The following FAF1 variants were observed in gnomAD, a reference collection of about 807,000 sequenced individuals.
FAF1 encodes Fas associated factor 1.
In FAF1, 25 loss-of-function variants were observed where a neutral mutation model predicts 92.5. The ratio of observed to expected loss-of-function variants is 0.27; its 90% confidence interval spans 0.20 to 0.38. The LOEUF (loss-of-function observed/expected upper bound fraction) is 0.38, where lower values mean the gene tolerates loss of function less well. Among genes scored for constraint, FAF1 ranks in the 10% least tolerant of loss-of-function variants. The pLI is 1.00. For missense variants in FAF1, 636 were observed against 793.3 expected, an observed-to-expected ratio of 0.80 and a Z score of 2.38; for synonymous variants, 234 against 273.2, an observed-to-expected ratio of 0.86 and a Z score of 1.42.
intron 15 of FAF1, among the ~76,000 whole-genome samples, chr1:50,492,829 C>T (rs1646855026): frequency 6.6e-6 from 1 of 152,150 alleles, no homozygotes; most frequent in Admixed American, 6.5e-5. Context: ...AAGCCTAATA[C>T]ATCTTCTAGT....
At chr1:50,492,892 T>C (rs1240513806) in intron 15 of FAF1, among the ~76,000 whole-genome samples, 6 of 152,186 alleles carry the variant, frequency 3.9e-5, no homozygotes, top group Non-Finnish European at 5.9e-5. Flanking sequence ...GAACATTTCA[T>C]TGCTTCCTAA....
intron 6 of FAF1, among the ~76,000 whole-genome samples, chr1:50,738,472 A>G (rs1033499739): frequency 3.3e-5 from 5 of 151,134 alleles, no homozygotes; most frequent in Non-Finnish European, 7.4e-5. Flanking sequence ...AAATTATATC[A>G]GTGTTTTTCA....
At chr1:50,700,728 A>T (rs897540643) in intron 7 of FAF1, among the ~76,000 whole-genome samples, 7 of 152,134 alleles carry the variant, frequency 4.6e-5, no homozygotes, top group African/African-American at 1.4e-4. Context: ...ATCTTAAGTA[A>T]CAAAAGGCTA....
intron 1 of FAF1, among the ~76,000 whole-genome samples, chr1:50,925,936 A>C (rs1645003054): frequency 6.6e-6 from 1 of 152,240 alleles, no homozygotes; most frequent in African/African-American, 2.4e-5. Flanking sequence ...GAATTGGGCC[A>C]GATGTAGTGT....
intron 13 of FAF1, among the ~76,000 whole-genome samples, chr1:50,542,032 A>T (rs1242487380): frequency 1.3e-5 from 2 of 152,160 alleles, no homozygotes; most frequent in Non-Finnish European, 2.9e-5. Flanking sequence ...AACAACAACA[A>T]AGTGATCAAT....
At chr1:50,948,532 TTC>T (rs1487348327) in intron 1 of FAF1, among the ~76,000 whole-genome samples, 5 of 150,842 alleles carry the variant, frequency 3.3e-5, no homozygotes, top group African/African-American at 1.2e-4. Context: ...TCTTTTCTTT[TTC>T]TTTTTTTTTT....
chr1:50,480,876 T>C (rs1242330803), intron 17 of FAF1, among the ~76,000 whole-genome samples: 1 of 152,212 alleles, frequency 6.6e-6, no homozygotes, highest in African/African-American at 2.4e-5. Context: ...TAATAAGAGA[T>C]GACAGCTCCG....
chr1:50,564,205 A>G (rs1275345593), intron 13 of FAF1, among the ~76,000 whole-genome samples: 1 of 151,090 alleles, frequency 6.6e-6, no homozygotes. Flanking sequence ...TTGGATATCA[A>G]CATCCTCAGC....
intron 8 of FAF1, among the ~76,000 whole-genome samples, chr1:50,648,644 T>G (rs1161817154): frequency 1.3e-5 from 2 of 152,144 alleles, no homozygotes; most frequent in Non-Finnish European, 2.9e-5. Flanking sequence ...ATATTAACTT[T>G]GGCTGGGCGC....
chr1:50,754,109 T>C (rs566857100), intron 4 of FAF1, among the ~76,000 whole-genome samples: 45 of 152,248 alleles, frequency 3.0e-4, no homozygotes, highest in Admixed American at 4.6e-4. Context: ...GATTGATCAA[T>C]TTCTCTCCTC....
intron 4 of FAF1, among the ~76,000 whole-genome samples, chr1:50,787,711 T>C (rs1023318867): frequency 1.3e-5 from 2 of 152,198 alleles, no homozygotes; most frequent in African/African-American, 4.8e-5. Flanking sequence ...GCAATGTACT[T>C]GATTAGGGTA....
intron 2 of FAF1, among the ~76,000 whole-genome samples, chr1:50,839,645 T>G (rs1377184222): frequency 6.6e-6 from 1 of 152,144 alleles, no homozygotes; most frequent in East Asian, 1.9e-4. Flanking sequence ...TTATAATACT[T>G]GTATCAAGAT....
chr1:50,927,856 G>A (rs547689167), intron 1 of FAF1, among the ~76,000 whole-genome samples: 2 of 152,112 alleles, frequency 1.3e-5, no homozygotes, highest in East Asian at 3.9e-4. Context: ...TCTTCCTTGT[G>A]TCTCTATGTG....
intron 2 of FAF1, among the ~76,000 whole-genome samples, chr1:50,845,249 A>G (rs1249776412): frequency 6.6e-6 from 1 of 152,234 alleles, no homozygotes; most frequent in Non-Finnish European, 1.5e-5. Flanking sequence ...TTCTGGCTGC[A>G]ACTTGGGAAC....
At chr1:50,881,673 A>C (rs1407629591) in intron 1 of FAF1, among the ~76,000 whole-genome samples, 1 of 152,176 alleles carries the variant, frequency 6.6e-6, no homozygotes, top group Non-Finnish European at 1.5e-5. Context: ...ATTTTTGCAG[A>C]GCTGATGTTG....
chr1:50,588,885 A>G (rs957445345), intron 9 of FAF1, among the ~76,000 whole-genome samples: 5 of 152,214 alleles, frequency 3.3e-5, no homozygotes, highest in African/African-American at 1.2e-4. Flanking sequence ...AGCCTCATGC[A>G]CTGGGGTAAG....
At chr1:50,811,632 G>T (rs966430608) in intron 2 of FAF1, among the ~76,000 whole-genome samples, 1 of 152,128 alleles carries the variant, frequency 6.6e-6, no homozygotes, top group Admixed American at 6.5e-5. Context: ...TGGCCACACT[G>T]CCTAAAGCAA....
rs1054541261 is a variant in FAF1, at chr1:50,851,976, T to C, written c.114+5953A>G. Reference sequence around the variant, plus strand: ...TAGCAGTGTTTTATCACCCCAAGTTTTCTCCTGAGAATCAGAACCGATAAA... The same window carrying C: ...TAGCAGTGTTTTATCACCCCAAGTTCTCTCCTGAGAATCAGAACCGATAAA... On this transcript the variant is annotated intron_variant, in intron 2 of 18. Coordinates refer to ENST00000396153, the MANE Select transcript of FAF1 (RefSeq NM_007051.3). Among the ~76,000 whole-genome samples, 3 of 152,192 alleles carry C rather than the reference T, an allele frequency of 2.0e-5. No homozygotes were observed. The East Asian group carries it at 5.8e-4, about 29-fold the overall frequency.
chr1:50,864,704 G>T (rs1329492843), intron 1 of FAF1, among the ~76,000 whole-genome samples: 2 of 152,018 alleles, frequency 1.3e-5, no homozygotes, highest in Admixed American at 1.3e-4. Flanking sequence ...ATGGATTAAA[G>T]ACTTAAACGT....
Sources: allele counts gnomAD v4.1 joint callset (sites outside exome capture counted in the v4.1 genomes callset), GRCh38; gene constraint gnomAD v4.1.1; transcripts MANE v1.5; gene names NCBI Gene and HGNC (gene_info 2026-07-23, HGNC 2026-07-21).